Variants in ARHGAP28 observed in about 807,000 individuals in gnomAD.
The protein encoded by ARHGAP28 is rho GTPase-activating protein 28.
ARHGAP28 carries 56 observed loss-of-function variants against 90.7 expected under a neutral mutation model. The observed-to-expected ratio is 0.62, with a 90% CI of 0.50 to 0.77. ARHGAP28 has a LOEUF of 0.77. ARHGAP28 is among the 30% of genes least tolerant of loss of function. The pLI is 0.00. For synonymous variants in ARHGAP28, 308 were observed against 323.3 expected (o/e 0.95, Z 0.51); for missense variants, 869 against 900.9 (o/e 0.96, Z 0.45).
intron 2 of ARHGAP28, among the ~76,000 whole-genome samples, chr18:6,830,931 A>G (rs11081276): frequency 0.63 from 95,239 of 152,072 alleles, 31,634 homozygotes; most frequent in South Asian, 0.74. Context: ...GTCTTTTTGT[A>G]TAGATATGTT....
intron 1 of ARHGAP28, among the ~76,000 whole-genome samples, chr18:6,797,513 G>A (rs7234441): frequency 0.24 from 36,179 of 151,974 alleles, 5,733 homozygotes; most frequent in African/African-American, 0.45. Flanking sequence ...CCCTCTTCCC[G>A]GTCTTCTGTT....
chr18:6,821,681 C>T (rs1567958493), intron 1 of ARHGAP28, among the ~76,000 whole-genome samples: 2 of 152,138 alleles, frequency 1.3e-5, no homozygotes, highest in African/African-American at 4.8e-5. Context: ...AAAAGCTGAT[C>T]ATTGTGATTA....
chr18:6,775,897 T>C (rs577143219), intron 1 of ARHGAP28, among the ~76,000 whole-genome samples: 1 of 152,278 alleles, frequency 6.6e-6, no homozygotes, highest in Admixed American at 6.5e-5. Context: ...GCTGCACTAA[T>C]TAAAGACAAG....
intron 2 of ARHGAP28, among the ~76,000 whole-genome samples, chr18:6,827,132 C>T (rs1416050865): frequency 6.6e-6 from 1 of 152,200 alleles, no homozygotes; most frequent in Non-Finnish European, 1.5e-5. Flanking sequence ...AGTCTCTTCC[C>T]CACCTTTCCC....
intron 5 of ARHGAP28, among the ~76,000 whole-genome samples, chr18:6,864,852 A>ATT (rs201032412): frequency 3.3e-5 from 5 of 149,464 alleles, no homozygotes; most frequent in African/African-American, 4.9e-5. Context: ...GCCCAGCTAA[A>ATT]TTTTTTTTTT....
At chr18:6,747,071 C>CT (rs5822923) in intron 1 of ARHGAP28, among the ~76,000 whole-genome samples, 5,925 of 138,670 alleles carry the variant, frequency 0.043, 351 homozygotes, top group African/African-American at 0.14. Flanking sequence ...CATTTATTTT[C>CT]TTTTTTTTTT....
At chr18:6,887,338 C>A in intron 12 of ARHGAP28, 99 bp downstream of exon 12, 1 of 1,066,032 alleles carries the variant, frequency 9.4e-7, no homozygotes, top group Non-Finnish European at 1.4e-6. Context: ...GCTCACTGAG[C>A]CACCTGAGCA....
chr18:6,903,751 C>A (rs2143830498), intron 16 of ARHGAP28, among the ~76,000 whole-genome samples: 1 of 150,602 alleles, frequency 6.6e-6, no homozygotes, highest in East Asian at 2.0e-4. Context: ...ACTGCTTGAA[C>A]CCGGGAGGCG....
chr18:6,737,357 A>C (rs1160483440), intron 1 of ARHGAP28, among the ~76,000 whole-genome samples: 1 of 152,190 alleles, frequency 6.6e-6, no homozygotes, highest in African/African-American at 2.4e-5. Context: ...TGCTTTACTA[A>C]TAAATAGTCT....
chr18:6,870,285 A>G (rs2057073083), intron 6 of ARHGAP28, among the ~76,000 whole-genome samples: 1 of 152,178 alleles, frequency 6.6e-6, no homozygotes, highest in South Asian at 2.1e-4. Flanking sequence ...GAAATACCCT[A>G]TTTTGGACTT....
rs1208544957 is a variant in ARHGAP28, at chr18:6,896,495, T to A, written c.1906-7T>A. The A allele has an allele frequency of 6.2e-6, 10 of 1,613,862 alleles. No individual in the cohort carries two copies. Among genetic ancestry groups the A allele is most frequent in the Non-Finnish European group, 8.5e-6 (10 of 1,179,900 alleles). On this transcript the variant is annotated splice_polypyrimidine_tract_variant and splice_region_variant and intron_variant, in intron 15 of 17. Transcript: ENST00000383472. ...ACAGACTGTACTGAATTTCTCCTCC[T>A]TGGCAGTCTGACGTGCCGGAAGGAG...
At chr18:6,824,397 C>T (rs1216549507) in intron 1 of ARHGAP28, among the ~76,000 whole-genome samples, 5 of 151,758 alleles carry the variant, frequency 3.3e-5, no homozygotes, top group South Asian at 4.2e-4. Context: ...ATTAGCTGGG[C>T]GTGGTGGCGG....
chr18:6,771,049 A>AT (rs1304903128), intron 1 of ARHGAP28, among the ~76,000 whole-genome samples: 11 of 151,602 alleles, frequency 7.3e-5, no homozygotes, highest in Admixed American at 7.2e-4. Flanking sequence ...TTTTATTTTT[A>AT]TTTTTGAGAC....
chr18:6,745,997 T>C (rs970175913), intron 1 of ARHGAP28, among the ~76,000 whole-genome samples: 1 of 152,156 alleles, frequency 6.6e-6, no homozygotes, highest in African/African-American at 2.4e-5. Flanking sequence ...CATTTCTCCA[T>C]TGTAGACCCA....
At chr18:6,792,609 T>C (rs2056414366) in intron 1 of ARHGAP28, among the ~76,000 whole-genome samples, 1 of 152,184 alleles carries the variant, frequency 6.6e-6, no homozygotes, top group Non-Finnish European at 1.5e-5. Flanking sequence ...TATGGAGTGA[T>C]ACAGTGCAAG....
Position 6,859,917 on chromosome 18 carries a change from A to T in ARHGAP28, c.726+20A>T, listed in dbSNP as rs2056984644. On this transcript the variant is annotated intron_variant, in intron 5 of 17. Transcript: ENST00000383472. ...TCTGTGGTAAGTCATCCATGTCAGCACAGTTACATGTCAAGGTACAGTTGC... is the reference window on the plus strand; with the variant it reads ...TCTGTGGTAAGTCATCCATGTCAGCTCAGTTACATGTCAAGGTACAGTTGC... 6.2e-7 allele frequency: 1 copy of T among 1,603,964 alleles called. No individual in the cohort carries two copies. The highest frequency in any genetic ancestry group is 8.5e-7 in the Non-Finnish European group (1 of 1,171,096).
chr18:6,766,472 G>T (rs1474709617), intron 1 of ARHGAP28, among the ~76,000 whole-genome samples: 3 of 152,104 alleles, frequency 2.0e-5, no homozygotes, highest in Non-Finnish European at 4.4e-5. Context: ...CACACTTCAG[G>T]ACCTGCCAGT....
intron 16 of ARHGAP28, 190 bp downstream of exon 16, chr18:6,896,816 T>TTCTA (rs2057308095): frequency 8.3e-6 from 5 of 603,570 alleles, no homozygotes; most frequent in Non-Finnish European, 1.3e-5. Flanking sequence ...CAACAAAAGT[T>TTCTA]GTTTTTCAAA....
intron 1 of ARHGAP28, among the ~76,000 whole-genome samples, chr18:6,768,436 T>C (rs2056216910): frequency 6.6e-6 from 1 of 152,184 alleles, no homozygotes; most frequent in Non-Finnish European, 1.5e-5. Context: ...CTTAGGCTGA[T>C]TTAGTTTCAC....
Sources: allele counts gnomAD v4.1 joint callset (sites outside exome capture counted in the v4.1 genomes callset), GRCh38; gene constraint gnomAD v4.1.1; transcripts MANE v1.5; gene names NCBI Gene and HGNC (gene_info 2026-07-23, HGNC 2026-07-21).